Variants in CCSER1 observed in about 807,000 individuals in gnomAD.
The protein encoded by CCSER1 is coiled-coil serine rich protein 1, also known as serine-rich coiled-coil domain-containing protein 1.
Under a neutral mutation model 82.0 loss-of-function variants are expected in CCSER1, and 41 were observed. The observed-to-expected ratio is 0.50, with a 90% CI of 0.39 to 0.65. The LOEUF is 0.65. Among genes scored for constraint, CCSER1 ranks in the 30% least tolerant of loss-of-function variants. CCSER1 has a pLI of 0.00. For missense variants in CCSER1, 1,119 were observed against 1,064.2 expected (o/e 1.05, Z -0.72); for synonymous variants, 414 against 383.9 (o/e 1.08, Z -0.92).
chr4:91,454,618 A>G (rs1174896722), intron 10 of CCSER1, among the ~76,000 whole-genome samples: 3 of 152,042 alleles, frequency 2.0e-5, no homozygotes. Flanking sequence ...CATTTTATTC[A>G]GCCTATTATA....
At chr4:91,027,021 A>C (rs1740544216) in intron 9 of CCSER1, among the ~76,000 whole-genome samples, 1 of 152,026 alleles carries the variant, frequency 6.6e-6, no homozygotes. Flanking sequence ...TATGAATAAG[A>C]GCAGATTATT....
intron 6 of CCSER1, among the ~76,000 whole-genome samples, chr4:90,705,142 TG>T (rs1739064743): frequency 6.6e-6 from 1 of 152,188 alleles, no homozygotes; most frequent in South Asian, 2.1e-4. Context: ...GACATAAAGA[TG>T]GGGTTTTGGT....
chr4:91,522,437 G>A (rs1760528259), intron 10 of CCSER1, among the ~76,000 whole-genome samples: 2 of 152,124 alleles, frequency 1.3e-5, no homozygotes, highest in Admixed American at 6.5e-5. Context: ...GATGGGGATG[G>A]CACTGAATCT....
intron 7 of CCSER1, among the ~76,000 whole-genome samples, chr4:90,799,976 C>T (rs1275013896): frequency 9.9e-5 from 15 of 152,162 alleles, no homozygotes; most frequent in Non-Finnish European, 2.1e-4. Context: ...TCCTGTTGCA[C>T]GCTGGACCCG....
chr4:90,221,882 G>C (rs750325997), intron 1 of CCSER1, among the ~76,000 whole-genome samples: 1 of 152,058 alleles, frequency 6.6e-6, no homozygotes, highest in Non-Finnish European at 1.5e-5. Context: ...GATCCTGGCT[G>C]CTTTTATTAC....
chr4:90,628,459 A>G (rs1016098011), intron 6 of CCSER1, among the ~76,000 whole-genome samples: 5 of 152,208 alleles, frequency 3.3e-5, no homozygotes, highest in African/African-American at 1.2e-4. Context: ...ATACTTAAAA[A>G]AGAATAAATT....
chr4:91,257,501 A>ACACACC (rs1288846438), intron 10 of CCSER1, among the ~76,000 whole-genome samples: 17 of 146,084 alleles, frequency 1.2e-4, no homozygotes, highest in African/African-American at 4.3e-4. Context: ...ACACACACAC[A>ACACACC]CCCATTTCTG....
chr4:91,357,764 T>C (rs1430673787), intron 10 of CCSER1, among the ~76,000 whole-genome samples: 1 of 151,758 alleles, frequency 6.6e-6, no homozygotes, highest in Non-Finnish European at 1.5e-5. Flanking sequence ...TTTTTCAACA[T>C]GTCTCAACTT....
At chr4:91,586,532 G>C in intron 10 of CCSER1, among the ~76,000 whole-genome samples, 1 of 151,692 alleles carries the variant, frequency 6.6e-6, no homozygotes, top group East Asian at 1.9e-4. Flanking sequence ...AATTCAAAAT[G>C]AAAGTGCTGA....
chr4:90,264,679 T>G (rs1422462191), intron 1 of CCSER1, among the ~76,000 whole-genome samples: 1 of 94,676 alleles, frequency 1.1e-5, no homozygotes, highest in Non-Finnish European at 2.0e-5. Context: ...TACATAGCTG[T>G]CTAATACACT....
intron 10 of CCSER1, among the ~76,000 whole-genome samples, chr4:91,560,589 T>C (rs1001554384): frequency 6.6e-6 from 1 of 151,520 alleles, no homozygotes; most frequent in African/African-American, 2.4e-5. Flanking sequence ...GGTCAATTTT[T>C]ATTTCTTGCT....
rs58159693 is a variant in CCSER1, at chr4:91,551,656, AACACACACAC to A, written c.2218-46880_2218-46871del. On this transcript the variant is annotated intron_variant, in intron 10 of 10. Transcript: ENST00000509176. ...TTCCTGAAGCAGCAGGCAAAAAACA[AACACACACAC>A]ACACACACACACACACACACACACA... Among the ~76,000 whole-genome samples the A allele has an allele frequency of 2.5e-3, 354 of 139,520 alleles. 3 individuals are homozygous for A. Among genetic ancestry groups the A allele is most frequent in the Non-Finnish European group, 3.1e-3 (202 of 64,648 alleles). The allele number at this position is 139,520 out of a possible 152,430, so 91.5% of individuals were successfully genotyped here. A position where few individuals can be genotyped will look rare whatever the true frequency, so the allele number is the denominator to read the frequency against.
At chr4:91,368,160 C>T (rs1578281522) in intron 10 of CCSER1, among the ~76,000 whole-genome samples, 1 of 151,770 alleles carries the variant, frequency 6.6e-6, no homozygotes, top group East Asian at 1.9e-4. Flanking sequence ...CTATTTTCTC[C>T]CTAGGATGTC....
chr4:91,370,240 T>C (rs1749940110), intron 10 of CCSER1, among the ~76,000 whole-genome samples: 1 of 152,168 alleles, frequency 6.6e-6, no homozygotes. Flanking sequence ...TTAAATAACA[T>C]TTGATAGACA....
intron 5 of CCSER1, among the ~76,000 whole-genome samples, chr4:90,607,736 G>A (rs1784917690): frequency 6.6e-6 from 1 of 152,122 alleles, no homozygotes; most frequent in Admixed American, 6.5e-5. Flanking sequence ...AGTTTTAGGA[G>A]CTAGGACTTC....
chr4:90,446,451 A>C (rs1760665988), intron 4 of CCSER1, among the ~76,000 whole-genome samples: 1 of 152,184 alleles, frequency 6.6e-6, no homozygotes, highest in Non-Finnish European at 1.5e-5. Context: ...TTCTTGATAT[A>C]GCTAACATTG....
intron 10 of CCSER1, among the ~76,000 whole-genome samples, chr4:91,355,260 C>T (rs1279925183): frequency 6.6e-6 from 1 of 151,840 alleles, no homozygotes; most frequent in African/African-American, 2.4e-5. Flanking sequence ...TTATTCCATG[C>T]TGCTTACTAT....
Position 91,077,165 on chromosome 4 carries a change from C to T in CCSER1, c.2173-8785C>T, listed in dbSNP as rs116889800. Among the ~76,000 whole-genome samples the T allele has an allele frequency of 4.2e-4, 64 of 152,200 alleles. No homozygotes were observed. The East Asian group carries it at 0.011, about 27-fold the overall frequency. Reference sequence around the variant, plus strand: ...TTTCCCATCAGCCAGAATAGGGAACCCCCATTAAATACAGAGGGTATTCAG... The same window carrying T: ...TTTCCCATCAGCCAGAATAGGGAACTCCCATTAAATACAGAGGGTATTCAG... On this transcript the variant is annotated intron_variant, in intron 9 of 10. Coordinates refer to ENST00000509176, the MANE Select transcript of CCSER1 (RefSeq NM_001145065.2).
intron 10 of CCSER1, among the ~76,000 whole-genome samples, chr4:91,171,350 C>G (rs373361855): frequency 6.6e-6 from 1 of 152,106 alleles, no homozygotes; most frequent in Admixed American, 6.5e-5. Flanking sequence ...AATTACTTAG[C>G]AAACGATATC....
Sources: gnomAD v4.1 joint callset for allele counts (sites outside exome capture counted in the v4.1 genomes callset) on GRCh38, gnomAD v4.1.1 for gene constraint, MANE v1.5 for transcripts, NCBI Gene and HGNC (gene_info 2026-07-23, HGNC 2026-07-21) for gene names.